The following SFXN1 variants were observed in gnomAD, a reference collection of about 807,000 sequenced individuals.
SFXN1 encodes sideroflexin 1.
Under a neutral mutation model 39.5 loss-of-function variants are expected in SFXN1, and 32 were observed. The ratio of observed to expected loss-of-function variants is 0.81; its 90% confidence interval spans 0.61 to 1.09. The LOEUF is 1.09. SFXN1 is among the 50% of genes least tolerant of loss of function. SFXN1 has a pLI of 0.00. For missense variants in SFXN1, 402 were observed against 407.1 expected (o/e 0.99, Z 0.11); for synonymous variants, 136 against 146.5 (o/e 0.93, Z 0.52).
chr5:175,513,325 CAG>C, intron 6 of SFXN1, 136 bp from the exon 7 acceptor site: 2 of 149,978 alleles, frequency 1.3e-5, no homozygotes, highest in East Asian at 1.8e-4. Flanking sequence ...AAAAAAAAAA[CAG>C]ATGTGTCAGT....
chr5:175,515,914 C>T (rs925683241), intron 7 of SFXN1, among the ~76,000 whole-genome samples: 17 of 152,102 alleles, frequency 1.1e-4, no homozygotes, highest in Non-Finnish European at 2.1e-4. Context: ...TAGACAGTCC[C>T]GTCTGGGGGT....
At chr5:175,488,846 C>T (rs1160671322) in intron 1 of SFXN1, among the ~76,000 whole-genome samples, 1 of 152,142 alleles carries the variant, frequency 6.6e-6, no homozygotes, top group Non-Finnish European at 1.5e-5. Context: ...TGCTCATGAT[C>T]CTTCTTATCC....
At chr5:175,499,512 G>A (rs188358475) in intron 2 of SFXN1, among the ~76,000 whole-genome samples, 1 of 152,258 alleles carries the variant, frequency 6.6e-6, no homozygotes, top group African/African-American at 2.4e-5. Flanking sequence ...TGCAAGATTG[G>A]TTTAACATTT....
chr5:175,487,468 G>A (rs1179759549), intron 1 of SFXN1, among the ~76,000 whole-genome samples: 1 of 152,010 alleles, frequency 6.6e-6, no homozygotes, highest in Non-Finnish European at 1.5e-5. Context: ...TCTTCCTTTT[G>A]GCCAGTCGGG....
rs1435542478 is a variant in SFXN1, at chr5:175,512,138, G to C, written c.538G>C (p.Val180Leu). 6.2e-6 allele frequency: 10 copies of C among 1,614,118 alleles called. No homozygotes were observed. The highest frequency in any genetic ancestry group is 8.5e-6 in the Non-Finnish European group (10 of 1,180,030). ...KHVSPLIGRF[V>L]PFAAVAAANC... ...TGTCTCACCACTGATAGGACGTTTT[G>C]TTCCCTTTGCTGCCGTAGCTGCTGC... Residue 180 changes from valine (V) to leucine (L), a missense_variant, in exon 6 of 11, where the codon GTT becomes CTT. Physicochemically the swap from Val to Leu is conservative, Grantham distance 32. Transcript: ENST00000321442.
rs1000380225 is a variant in SFXN1, at chr5:175,489,722, A to G, written c.-9-2373A>G. The stretch of plus-strand genomic sequence containing the variant: ...TCAAAATCATCTGGAGAGCTTTTTA[A>G]AAAGACAAATATTATCCTCCTTCTA... On this transcript the variant is annotated intron_variant, in intron 1 of 10. Transcript: ENST00000321442. 5.7e-4 allele frequency among the ~76,000 whole-genome samples: 87 copies of G among 152,146 alleles called. 1 individual carries two copies. Among genetic ancestry groups the G allele is most frequent in the African/African-American group, 2.0e-3 (83 of 41,428 alleles).
chr5:175,500,403 AACAC>A (rs4008099), intron 2 of SFXN1, among the ~76,000 whole-genome samples: 11,187 of 127,026 alleles, frequency 0.088, 442 homozygotes, highest in African/African-American at 0.095. Context: ...CCTGTACACC[AACAC>A]ACACACACAC....
intron 2 of SFXN1, among the ~76,000 whole-genome samples, chr5:175,504,814 T>C (rs1040403518): frequency 2.0e-5 from 3 of 151,912 alleles, no homozygotes; most frequent in African/African-American, 7.2e-5. Context: ...CTGCAAGCTC[T>C]GCCTCCCGGG....
intron 2 of SFXN1, among the ~76,000 whole-genome samples, chr5:175,494,934 T>G (rs1181258130): frequency 6.6e-6 from 1 of 152,172 alleles, no homozygotes; most frequent in African/African-American, 2.4e-5. Flanking sequence ...GTTCCACTTC[T>G]GGGAATATAC....
intron 1 of SFXN1, among the ~76,000 whole-genome samples, chr5:175,482,578 G>A (rs1397199821): frequency 6.6e-6 from 1 of 152,164 alleles, no homozygotes; most frequent in Non-Finnish European, 1.5e-5. Context: ...TGGCCAGTGA[G>A]GACAGGAGCT....
chr5:175,526,423 TG>T, intron 10 of SFXN1, among the ~76,000 whole-genome samples: 1 of 152,330 alleles, frequency 6.6e-6, no homozygotes, highest in East Asian at 1.9e-4. Flanking sequence ...AGGGAAAAGT[TG>T]GGTGTTGGGT....
intron 8 of SFXN1, among the ~76,000 whole-genome samples, chr5:175,517,375 G>A (rs1026797816): frequency 3.3e-5 from 5 of 151,814 alleles, no homozygotes; most frequent in African/African-American, 4.8e-5. Context: ...TCCCACCGAA[G>A]CCCCCTACCT....
intron 1 of SFXN1, among the ~76,000 whole-genome samples, chr5:175,484,954 G>T (rs1038887603): frequency 6.6e-6 from 1 of 152,214 alleles, no homozygotes; most frequent in African/African-American, 2.4e-5. Context: ...AATTTACCTG[G>T]AGTGCAGGCT....
At chr5:175,503,875 G>A (rs563869691) in intron 2 of SFXN1, among the ~76,000 whole-genome samples, 126 of 152,104 alleles carry the variant, frequency 8.3e-4, no homozygotes, top group African/African-American at 2.8e-3. Flanking sequence ...ATGGTGGCAC[G>A]CACCTGTAAT....
intron 1 of SFXN1, among the ~76,000 whole-genome samples, chr5:175,482,485 C>A (rs267369): frequency 0.35 from 53,832 of 152,040 alleles, 10,940 homozygotes; most frequent in Non-Finnish European, 0.47. Context: ...GAGATAAATT[C>A]TTTTTCTTAC....
At chr5:175,505,571 A>AATAATT (rs1365757735) in intron 2 of SFXN1, among the ~76,000 whole-genome samples, 1 of 135,762 alleles carries the variant, frequency 7.4e-6, no homozygotes, top group Admixed American at 7.3e-5. Flanking sequence ...TAATAATAAT[A>AATAATT]ATTCTAAGGT....
intron 2 of SFXN1, among the ~76,000 whole-genome samples, chr5:175,495,308 T>C (rs951677540): frequency 8.6e-5 from 13 of 151,488 alleles, no homozygotes; most frequent in African/African-American, 3.2e-4. Flanking sequence ...GAAGAGGGAA[T>C]GGGGAGTTAG....
At chr5:175,485,814 C>T (rs1759429455) in intron 1 of SFXN1, among the ~76,000 whole-genome samples, 1 of 152,176 alleles carries the variant, frequency 6.6e-6, no homozygotes, top group Non-Finnish European at 1.5e-5. Context: ...TAGTTGGCGT[C>T]AAGAACTCCT....
At position 175,523,220 on chromosome 5, in the gene SFXN1, G is replaced by A. The variant is rs146259067; in HGVS notation, c.872+798G>A. 5.4e-3 allele frequency: 826 copies of A among 152,380 alleles called. 6 individuals carry two copies. The highest frequency in any genetic ancestry group is 9.0e-3 in the Non-Finnish European group (615 of 68,136). The allele number at this position is 152,380 out of a possible 1,614,324, so 9.4% of individuals were successfully genotyped here. A position where few individuals can be genotyped will look rare whatever the true frequency, so the allele number is the denominator to read the frequency against. On this transcript the variant is annotated intron_variant, in intron 10 of 10. Coordinates refer to ENST00000321442, the MANE Select transcript of SFXN1 (RefSeq NM_022754.7). ...GTATCTGCTCTCCCACTCTGTCTCCGACCCTGCTGTTCTTGAATAGAAATT... is the reference window on the plus strand; with the variant it reads ...GTATCTGCTCTCCCACTCTGTCTCCAACCCTGCTGTTCTTGAATAGAAATT...
Sources: gnomAD v4.1 joint callset for allele counts (sites outside exome capture counted in the v4.1 genomes callset) on GRCh38, gnomAD v4.1.1 for gene constraint, MANE v1.5 for transcripts, NCBI Gene and HGNC (gene_info 2026-07-23, HGNC 2026-07-21) for gene names.